ADAM23: variants seen among roughly 807,000 people sequenced by gnomAD.
The protein encoded by ADAM23 is disintegrin and metalloproteinase domain-containing protein 23.
In ADAM23, 33 loss-of-function variants were observed where a neutral mutation model predicts 120.1. That is an observed-to-expected ratio of 0.27 (90% CI 0.21 to 0.37). ADAM23 has a LOEUF of 0.37. ADAM23 is among the 10% of genes least tolerant of loss of function. The pLI, the probability that ADAM23 is intolerant of heterozygous loss-of-function variation, is 1.00. For synonymous variants in ADAM23, 367 were observed against 375.2 expected, an observed-to-expected ratio of 0.98 and a Z score of 0.25; for missense variants, 862 against 1,058.2, an observed-to-expected ratio of 0.81 and a Z score of 2.57.
chr2:206,580,896 G>T (rs578069243), intron 18 of ADAM23, among the ~76,000 whole-genome samples: 1 of 152,208 alleles, frequency 6.6e-6, no homozygotes, highest in Non-Finnish European at 1.5e-5. Flanking sequence ...CTCACTGCTT[G>T]TTATTGGTCT....
In ADAM23 at chr2:206,444,090, G is replaced by GC; in HGVS notation, c.214+14dup. 2 of 1,304,990 alleles carry GC rather than the reference G, an allele frequency of 1.5e-6. No homozygotes were observed. The highest frequency in any genetic ancestry group is 9.7e-7 in the Non-Finnish European group (1 of 1,027,176). 80.8% of individuals were successfully genotyped at this position (1,304,990 alleles called of 1,614,324 possible). ...GCTGCTGCGCCCAGCGGTGGGTATGGCCCCGTGCCCTTTGCGTTGGCTTTC... is the reference window on the plus strand; with the variant it reads ...GCTGCTGCGCCCAGCGGTGGGTATGGCCCCCGTGCCCTTTGCGTTGGCTTTC... On this transcript the variant is annotated intron_variant, in intron 1 of 25. Transcript: ENST00000264377.
chr2:206,541,393 C>G (rs976549963), intron 4 of ADAM23, among the ~76,000 whole-genome samples: 1 of 151,910 alleles, frequency 6.6e-6, no homozygotes, highest in East Asian at 1.9e-4. Flanking sequence ...TTTCGAGATC[C>G]TATATTAGGT....
intron 24 of ADAM23, among the ~76,000 whole-genome samples, chr2:206,603,839 T>C (rs1282310643): frequency 6.6e-6 from 1 of 152,132 alleles, no homozygotes. Context: ...ACTCATTTAG[T>C]ATCACAATTT....
intron 3 of ADAM23, among the ~76,000 whole-genome samples, chr2:206,499,530 C>G: frequency 6.6e-6 from 1 of 151,106 alleles, no homozygotes; most frequent in East Asian, 1.9e-4. Context: ...AGGAGATATA[C>G]CTAATGCTAA....
chr2:206,525,394 A>G (rs1344770177), intron 3 of ADAM23, among the ~76,000 whole-genome samples: 1 of 152,188 alleles, frequency 6.6e-6, no homozygotes, highest in Non-Finnish European at 1.5e-5. Flanking sequence ...CAATGAAGTA[A>G]ATGATTTTAA....
chr2:206,612,794 A>G (rs1352972165), intron 25 of ADAM23, among the ~76,000 whole-genome samples: 1 of 152,186 alleles, frequency 6.6e-6, no homozygotes, highest in Non-Finnish European at 1.5e-5. Context: ...AAATGTGTGC[A>G]TGTATGTGAA....
chr2:206,581,215 A>G (rs757352301), intron 18 of ADAM23, among the ~76,000 whole-genome samples: 56 of 151,496 alleles, frequency 3.7e-4, no homozygotes, highest in African/African-American at 1.3e-3. Context: ...TGTTATTTCA[A>G]TTTCATTTAG....
chr2:206,541,285 G>A (rs999940603), intron 4 of ADAM23, among the ~76,000 whole-genome samples: 5 of 152,010 alleles, frequency 3.3e-5, no homozygotes, highest in African/African-American at 9.7e-5. Flanking sequence ...AATTATAGTG[G>A]CAGAGCTGTG....
intron 17 of ADAM23, among the ~76,000 whole-genome samples, chr2:206,572,663 A>C (rs1698028155): frequency 6.6e-6 from 1 of 152,190 alleles, no homozygotes; most frequent in Non-Finnish European, 1.5e-5. Context: ...AATTCGTATG[A>C]ATTTATTAAA....
chr2:206,443,534 C>G lies in ADAM23; in HGVS notation c.-333C>G, dbSNP rs369883234. 9.0e-6 allele frequency: 1 copy of G among 110,936 alleles called. No homozygotes were observed. Among genetic ancestry groups the G allele is most frequent in the East Asian group, 2.1e-4 (1 of 4,760 alleles). 6.9% of individuals were successfully genotyped at this position (110,936 alleles called of 1,614,324 possible). ...TCGCTCCCGCGCGCCGCCTCAGCATCCTCAGGCCCGGCGGCAGCCCCCGCA... is the reference window on the plus strand; with the variant it reads ...TCGCTCCCGCGCGCCGCCTCAGCATGCTCAGGCCCGGCGGCAGCCCCCGCA... On this transcript the variant is annotated 5_prime_UTR_variant, in exon 1 of 26. It adds an upstream start codon to the 5' untranslated region. Transcript: ENST00000264377.
At chr2:206,616,939 G>A (rs919416875) in intron 25 of ADAM23, among the ~76,000 whole-genome samples, 1 of 152,114 alleles carries the variant, frequency 6.6e-6, no homozygotes, top group African/African-American at 2.4e-5. Context: ...TTTCAACTAA[G>A]CTAAATTCTG....
intron 24 of ADAM23, chr2:206,607,915 C>G (rs1045740078): frequency 9.5e-6 from 4 of 423,170 alleles, no homozygotes; most frequent in African/African-American, 8.4e-5. Context: ...GTTTATAAGT[C>G]AGGAATCATT....
intron 24 of ADAM23, among the ~76,000 whole-genome samples, chr2:206,604,552 C>T (rs1392110800): frequency 6.6e-6 from 1 of 151,974 alleles, no homozygotes; most frequent in African/African-American, 2.4e-5. Flanking sequence ...GTTGTGTCCC[C>T]ATCTTTTTGT....
intron 3 of ADAM23, among the ~76,000 whole-genome samples, chr2:206,495,364 G>T (rs1306845000): frequency 6.6e-6 from 1 of 151,736 alleles, no homozygotes; most frequent in African/African-American, 2.4e-5. Flanking sequence ...TTAAAGAAAA[G>T]AATTTTCAAC....
intron 18 of ADAM23, among the ~76,000 whole-genome samples, chr2:206,583,250 C>G (rs550821064): frequency 1.1e-4 from 17 of 152,106 alleles, no homozygotes; most frequent in Admixed American, 9.8e-4. Flanking sequence ...GTCAGGAGAT[C>G]GAGACCATCC....
In ADAM23 at chr2:206,571,850, T is replaced by C. The variant is rs747084994; in HGVS notation, c.1656+34T>C. 20 of 1,571,140 alleles carry C rather than the reference T, an allele frequency of 1.3e-5. No individual in the cohort carries two copies. The South Asian group carries it at 2.1e-4, about 17-fold the overall frequency. Reference sequence around the variant, plus strand: ...TCTGACAGTTTCATCTTTCTTTTAATTGACAGATTAGCCAGATATCTCAGT... The same window carrying C: ...TCTGACAGTTTCATCTTTCTTTTAACTGACAGATTAGCCAGATATCTCAGT... On this transcript the variant is annotated intron_variant, in intron 17 of 25. Transcript: ENST00000264377.
At position 206,470,888 on chromosome 2, in the gene ADAM23, A is replaced by G. The variant is rs184435016; in HGVS notation, c.433-10344A>G. ...GGGATCTCTGCCCCAGTAATGTGCA[A>G]CTTGCTGAGGGTAGTCAAGGAAAGC... is the stretch of plus-strand genomic sequence containing the variant. On this transcript the variant is annotated intron_variant, in intron 2 of 25. Transcript: ENST00000264377. 4.9e-3 allele frequency among the ~76,000 whole-genome samples: 749 copies of G among 152,322 alleles called. 2 individuals are homozygous for G. The highest frequency in any genetic ancestry group is 0.014 in the Middle Eastern group (4 of 294).
chr2:206,570,204 C>T (rs1697968468), intron 15 of ADAM23, among the ~76,000 whole-genome samples: 1 of 152,182 alleles, frequency 6.6e-6, no homozygotes, highest in African/African-American at 2.4e-5. Flanking sequence ...CTTGCAGACA[C>T]TTGAGATTTC....
At chr2:206,527,114 A>G (rs1421167502) in intron 3 of ADAM23, among the ~76,000 whole-genome samples, 1 of 152,256 alleles carries the variant, frequency 6.6e-6, no homozygotes, top group Non-Finnish European at 1.5e-5. Flanking sequence ...AGTGATTGAA[A>G]AAAGATGTTT....
Sources: gnomAD v4.1 joint callset for allele counts (sites outside exome capture counted in the v4.1 genomes callset) on GRCh38, gnomAD v4.1.1 for gene constraint, MANE v1.5 for transcripts, NCBI Gene and HGNC (gene_info 2026-07-23, HGNC 2026-07-21) for gene names.